Variants in TESK2 observed in about 807,000 individuals in gnomAD.
TESK2 encodes the protein testis associated actin remodelling kinase 2, also known as dual specificity testis-specific protein kinase 2.
In TESK2, 39 loss-of-function variants were observed where a neutral mutation model predicts 57.1. The observed-to-expected ratio is 0.68, with a 90% CI of 0.53 to 0.89. TESK2 has a LOEUF of 0.89. Among genes scored for constraint, TESK2 ranks in the 40% least tolerant of loss-of-function variants. The pLI is 0.00. For missense variants in TESK2, 646 were observed against 732.1 expected (o/e 0.88, Z 1.36); for synonymous variants, 249 against 267.9 (o/e 0.93, Z 0.69).
intron 2 of TESK2, among the ~76,000 whole-genome samples, chr1:45,450,250 G>A (rs12022634): frequency 0.076 from 11,536 of 152,202 alleles, 564 homozygotes; most frequent in Middle Eastern, 0.11. Context: ...AGTGGCTCAC[G>A]CCTGTAATCC....
chr1:45,429,750 A>G (rs1252421543), intron 2 of TESK2, among the ~76,000 whole-genome samples: 1 of 152,168 alleles, frequency 6.6e-6, no homozygotes, highest in Admixed American at 6.5e-5. Flanking sequence ...ACCCAAACTG[A>G]CCAGCTTCAA....
Position 45,399,521 on chromosome 1 carries a change from G to T in TESK2, c.345-13561C>A, listed in dbSNP as rs140092614. ...GTAGAGATGGGGTTTCTCCATGTTG[G>T]TCAGGGTGGTCTCAAACTCCCGACC... On this transcript the variant is annotated intron_variant, in intron 3 of 10. Coordinates refer to ENST00000372086, the MANE Select transcript of TESK2 (RefSeq NM_007170.3). Among the ~76,000 whole-genome samples the T allele has an allele frequency of 2.4e-3, 360 of 152,234 alleles. 5 individuals carry two copies. The highest frequency in any genetic ancestry group is 8.4e-3 in the African/African-American group (349 of 41,548).
intron 2 of TESK2, among the ~76,000 whole-genome samples, chr1:45,450,139 G>C (rs533761672): frequency 6.6e-6 from 1 of 152,244 alleles, no homozygotes; most frequent in Admixed American, 6.5e-5. Context: ...CTTACACTAG[G>C]ATAAATTCCG....
chr1:45,362,141 C>A (rs1403968307), intron 4 of TESK2, among the ~76,000 whole-genome samples: 2 of 152,134 alleles, frequency 1.3e-5, no homozygotes, highest in Non-Finnish European at 2.9e-5. Flanking sequence ...TCTGCCTGTG[C>A]CTAGATCTTA....
chr1:45,418,038 A>G (rs1650317786), intron 3 of TESK2, among the ~76,000 whole-genome samples: 1 of 152,144 alleles, frequency 6.6e-6, no homozygotes, highest in East Asian at 1.9e-4. Flanking sequence ...CACAGTGAAG[A>G]GAGTAAGAAA....
At chr1:45,396,541 T>G (rs1649367106) in intron 3 of TESK2, among the ~76,000 whole-genome samples, 1 of 151,750 alleles carries the variant, frequency 6.6e-6, no homozygotes, top group Non-Finnish European at 1.5e-5. Context: ...CACGCTGGAG[T>G]GCAGTAGTGC....
chr1:45,359,364 A>G (rs1477126200), intron 4 of TESK2, among the ~76,000 whole-genome samples: 1 of 152,028 alleles, frequency 6.6e-6, no homozygotes, highest in Non-Finnish European at 1.5e-5. Context: ...GTTCAAGACT[A>G]GCCTGGCCAA....
At chr1:45,365,675 G>A (rs907742224) in intron 4 of TESK2, among the ~76,000 whole-genome samples, 3 of 131,988 alleles carry the variant, frequency 2.3e-5, no homozygotes, top group Non-Finnish European at 4.6e-5. Flanking sequence ...CACCACGCCC[G>A]GCTTTTTTTT....
At chr1:45,422,914 C>T (rs1442906595) in intron 2 of TESK2, among the ~76,000 whole-genome samples, 3 of 151,586 alleles carry the variant, frequency 2.0e-5, no homozygotes, top group Non-Finnish European at 4.4e-5. Flanking sequence ...CGATTACAAG[C>T]GCCTGCCACC....
intron 2 of TESK2, among the ~76,000 whole-genome samples, chr1:45,428,700 C>T (rs547904946): frequency 2.0e-5 from 3 of 151,772 alleles, no homozygotes; most frequent in African/African-American, 7.2e-5. Flanking sequence ...GACAGGGTTT[C>T]GCCATGTTGT....
At chr1:45,399,346 C>T (rs367666244) in intron 3 of TESK2, among the ~76,000 whole-genome samples, 6 of 151,518 alleles carry the variant, frequency 4.0e-5, no homozygotes, top group East Asian at 3.9e-4. Flanking sequence ...TGGAGTTTTG[C>T]TCTTGTTACC....
chr1:45,414,072 A>G (rs1244820328), intron 3 of TESK2, among the ~76,000 whole-genome samples: 1 of 152,224 alleles, frequency 6.6e-6, no homozygotes, highest in Non-Finnish European at 1.5e-5. Context: ...GTCACAGGGA[A>G]GTATAATAAA....
At chr1:45,420,590 C>T (rs1322764507) in intron 3 of TESK2, among the ~76,000 whole-genome samples, 60 of 127,308 alleles carry the variant, frequency 4.7e-4, no homozygotes, top group Admixed American at 2.1e-3. Context: ...TTTTTTGAGA[C>T]GGAGTCTTGC....
intron 10 of TESK2, 40 bp downstream of exon 10, chr1:45,345,837 C>G (rs767969691): frequency 3.9e-6 from 6 of 1,540,504 alleles, no homozygotes; most frequent in Non-Finnish European, 5.4e-6. Flanking sequence ...CGAATTTCCT[C>G]CCTTAGGGTT....
chr1:45,393,636 G>A (rs1461752196), intron 3 of TESK2, among the ~76,000 whole-genome samples: 1 of 151,960 alleles, frequency 6.6e-6, no homozygotes, highest in Non-Finnish European at 1.5e-5. Flanking sequence ...AGCTACTCGG[G>A]AGGCTGAGGC....
At chr1:45,472,009 T>C (rs539628640) in intron 1 of TESK2, among the ~76,000 whole-genome samples, 122 of 152,002 alleles carry the variant, frequency 8.0e-4, no homozygotes, top group Non-Finnish European at 1.3e-3. Flanking sequence ...CCCAGCACTT[T>C]GGGAGGCCGA....
intron 1 of TESK2, among the ~76,000 whole-genome samples, chr1:45,466,272 C>T (rs1354369468): frequency 2.6e-5 from 4 of 152,038 alleles, no homozygotes; most frequent in African/African-American, 7.2e-5. Flanking sequence ...GTCAAGAGAT[C>T]GAGACCATCC....
rs1647169654 is a variant in TESK2 at position 45,347,929 on chromosome 1, G to A, written c.612C>T (p.Ile204=). The A allele has an allele frequency of 6.2e-7, 1 of 1,612,548 alleles. No homozygotes were observed. The highest frequency in any genetic ancestry group is 1.3e-5 in the African/African-American group (1 of 74,894). The change falls in exon 6 of 11, where the codon ATC becomes ATT. Residue 204 remains isoleucine, a synonymous_variant. Coordinates refer to ENST00000372086, the MANE Select transcript of TESK2 (RefSeq NM_007170.3). Reference sequence around the variant, plus strand: ...GTAGGGCTACACACCTGACATCGGGGATCTTCTCAGCCAGGCCAAAGTCAG... The same window carrying A: ...GTAGGGCTACACACCTGACATCGGGAATCTTCTCAGCCAGGCCAAAGTCAG... The part of the protein sequence containing the change: ...VVADFGLAEK[I]PDVSMGSEKL...
Position 45,407,840 on chromosome 1 carries a change from T to C in TESK2, c.344+13885A>G, listed in dbSNP as rs1022871695. Among the ~76,000 whole-genome samples the C allele has an allele frequency of 4.6e-5, 7 of 152,268 alleles. No individual in the cohort carries two copies. The East Asian group carries it at 5.8e-4, about 13-fold the overall frequency. On this transcript the variant is annotated intron_variant, in intron 3 of 10. Transcript: ENST00000372086. ...TATTAGCAGCATGAGAAAGGACTTA[T>C]ATGCATGCCTACTGCTACTTCTTTC...
Sources: allele counts gnomAD v4.1 joint callset (sites outside exome capture counted in the v4.1 genomes callset), GRCh38; gene constraint gnomAD v4.1.1; transcripts MANE v1.5; gene names NCBI Gene and HGNC (gene_info 2026-07-23, HGNC 2026-07-21).